Variants in LDLRAD4 observed in about 807,000 individuals in gnomAD.
The protein encoded by LDLRAD4 is low-density lipoprotein receptor class A domain-containing protein 4.
A neutral mutation model predicts 17.0 loss-of-function variants in LDLRAD4; 5 were observed. That is an observed-to-expected ratio of 0.29 (90% CI 0.15 to 0.62). LDLRAD4 has a LOEUF of 0.62. Among genes scored for constraint, LDLRAD4 ranks in the 20% least tolerant of loss-of-function variants. The probability of loss-of-function intolerance (pLI) is 0.84; values close to 1 mark genes in which losing one functional copy is unlikely to be tolerated. For missense variants in LDLRAD4, 340 were observed against 424.7 expected (o/e 0.80, Z 1.75); for synonymous variants, 168 against 171.8 (o/e 0.98, Z 0.17).
intron 1 of LDLRAD4, among the ~76,000 whole-genome samples, chr18:13,285,569 G>T (rs2045574693): frequency 6.6e-6 from 1 of 152,218 alleles, no homozygotes; most frequent in Admixed American, 6.5e-5. Context: ...TGGCGATGCT[G>T]GGTTAGCTTA....
intron 3 of LDLRAD4, among the ~76,000 whole-genome samples, chr18:13,451,352 T>C (rs986000935): frequency 6.6e-6 from 1 of 151,836 alleles, no homozygotes; most frequent in African/African-American, 2.4e-5. Flanking sequence ...AGTGAGTGAG[T>C]TCTCACAAGG....
exon 6 of LDLRAD4, chr18:13,650,035 A>C: frequency 5.0e-6 from 2 of 398,682 alleles, no homozygotes; most frequent in Non-Finnish European, 8.8e-6. Flanking sequence ...AGTTCTCAGC[A>C]GCTGCGTGGC....
At chr18:13,304,826 T>A (rs2046815783) in intron 1 of LDLRAD4, among the ~76,000 whole-genome samples, 1 of 152,070 alleles carries the variant, frequency 6.6e-6, no homozygotes. Flanking sequence ...GTAGGAGGGA[T>A]CCCTAGGGAT....
chr18:13,601,419 A>G (rs2095159576), intron 3 of LDLRAD4, among the ~76,000 whole-genome samples: 1 of 152,172 alleles, frequency 6.6e-6, no homozygotes, highest in African/African-American at 2.4e-5. Context: ...TCAAAACCAC[A>G]GTGACCACCT....
intron 1 of LDLRAD4, among the ~76,000 whole-genome samples, chr18:13,281,166 C>G (rs533576307): frequency 1.7e-4 from 26 of 152,232 alleles, no homozygotes; most frequent in Admixed American, 6.5e-4. Context: ...GCAGGAGTAT[C>G]GCTTGAGCAC....
intron 3 of LDLRAD4, among the ~76,000 whole-genome samples, chr18:13,572,356 G>A (rs1017292799): frequency 6.6e-6 from 1 of 152,212 alleles, no homozygotes; most frequent in East Asian, 1.9e-4. Context: ...GAATGTGAAT[G>A]TCCTCAGCTT....
At chr18:13,529,880 A>C (rs998202240) in intron 3 of LDLRAD4, among the ~76,000 whole-genome samples, 1 of 152,192 alleles carries the variant, frequency 6.6e-6, no homozygotes, top group Non-Finnish European at 1.5e-5. Context: ...CCGAGGTGGA[A>C]GAGGTTCCGT....
At chr18:13,532,153 C>T (rs369956388) in intron 3 of LDLRAD4, among the ~76,000 whole-genome samples, 1 of 152,154 alleles carries the variant, frequency 6.6e-6, no homozygotes, top group African/African-American at 2.4e-5. Context: ...AGGCAGCTGC[C>T]GGGCTGTTAA....
chr18:13,234,168 G>A (rs1014203971), intron 1 of LDLRAD4, among the ~76,000 whole-genome samples: 1 of 152,186 alleles, frequency 6.6e-6, no homozygotes, highest in Non-Finnish European at 1.5e-5. Flanking sequence ...GCGATGGTCT[G>A]GTCTGGATGC....
chr18:13,425,551 G>A (rs1415954420), intron 2 of LDLRAD4, among the ~76,000 whole-genome samples: 1 of 152,176 alleles, frequency 6.6e-6, no homozygotes, highest in Non-Finnish European at 1.5e-5. Context: ...TGACACGTCG[G>A]GGCTCCAGAT....
At chr18:13,412,704 G>T (rs764173605) in intron 2 of LDLRAD4, among the ~76,000 whole-genome samples, 74 of 152,174 alleles carry the variant, frequency 4.9e-4, no homozygotes, top group Non-Finnish European at 7.1e-4. Context: ...AGCATTTCTA[G>T]ATTATGAGCT....
At chr18:13,342,741 G>C (rs1362398607) in intron 1 of LDLRAD4, among the ~76,000 whole-genome samples, 1 of 151,432 alleles carries the variant, frequency 6.6e-6, no homozygotes, top group Non-Finnish European at 1.5e-5. Flanking sequence ...TAGATCCAAA[G>C]TTAGTCTCTT....
chr18:13,234,063 A>G (rs988902849), intron 1 of LDLRAD4, among the ~76,000 whole-genome samples: 1 of 152,080 alleles, frequency 6.6e-6, no homozygotes, highest in Non-Finnish European at 1.5e-5. Context: ...TCGTCCCAAT[A>G]TGATCACTTT....
At chr18:13,467,088 A>C (rs924382744) in intron 3 of LDLRAD4, among the ~76,000 whole-genome samples, 10 of 152,262 alleles carry the variant, frequency 6.6e-5, no homozygotes, top group African/African-American at 2.2e-4. Flanking sequence ...GACAAGGAAC[A>C]AGAGAGGATA....
chr18:13,265,215 C>A (rs939610912), intron 1 of LDLRAD4, among the ~76,000 whole-genome samples: 1 of 152,208 alleles, frequency 6.6e-6, no homozygotes, highest in African/African-American at 2.4e-5. Flanking sequence ...TGCCGTCTCT[C>A]CCCTCCTCAT....
intron 1 of LDLRAD4, among the ~76,000 whole-genome samples, chr18:13,307,492 C>T (rs927531091): frequency 4.6e-5 from 7 of 152,146 alleles, no homozygotes; most frequent in African/African-American, 1.7e-4. Context: ...TCTTGGCACC[C>T]TGCAGCCTTG....
At chr18:13,251,876 C>T (rs1182860694) in intron 1 of LDLRAD4, among the ~76,000 whole-genome samples, 1 of 152,074 alleles carries the variant, frequency 6.6e-6, no homozygotes, top group African/African-American at 2.4e-5. Flanking sequence ...ATGCAGAGTT[C>T]CTGACTTGTG....
At chr18:13,248,310 ATGTC>A (rs1273754496) in intron 1 of LDLRAD4, among the ~76,000 whole-genome samples, 8 of 152,244 alleles carry the variant, frequency 5.3e-5, no homozygotes, top group African/African-American at 1.9e-4. Context: ...CTAAAACAAA[ATGTC>A]TGACAGAAGA....
intron 2 of LDLRAD4, among the ~76,000 whole-genome samples, chr18:13,393,370 C>T (rs1438462522): frequency 4.6e-5 from 7 of 152,124 alleles, no homozygotes; most frequent in African/African-American, 1.2e-4. Context: ...GGGCAGGCAG[C>T]GGGCAGTGTT....
Sources: gnomAD v4.1 joint callset for allele counts (sites outside exome capture counted in the v4.1 genomes callset) on GRCh38, gnomAD v4.1.1 for gene constraint, MANE v1.5 for transcripts, NCBI Gene and HGNC (gene_info 2026-07-23, HGNC 2026-07-21) for gene names.